CRPPA: variants seen among roughly 807,000 people sequenced by gnomAD.
CRPPA encodes the protein D-ribitol-5-phosphate cytidylyltransferase.
CRPPA carries 43 observed loss-of-function variants against 52.0 expected under a neutral mutation model. That is an observed-to-expected ratio of 0.83 (90% CI 0.65 to 1.07). The LOEUF is 1.07. CRPPA is among the 50% of genes least tolerant of loss of function. The probability of loss-of-function intolerance (pLI) is 0.00; values close to 1 mark genes in which losing one functional copy is unlikely to be tolerated. For synonymous variants in CRPPA, 250 were observed against 203.5 expected (o/e 1.23, Z -1.94); for missense variants, 629 against 551.7 (o/e 1.14, Z -1.40).
At chr7:16,105,519 A>G (rs1782133461) in intron 9 of CRPPA, among the ~76,000 whole-genome samples, 1 of 152,064 alleles carries the variant, frequency 6.6e-6, no homozygotes, top group African/African-American at 2.4e-5. Context: ...AGTAGTGAAA[A>G]TGTCATGACT....
chr7:16,104,395 C>A (rs921562140), intron 9 of CRPPA, among the ~76,000 whole-genome samples: 6 of 152,182 alleles, frequency 3.9e-5, no homozygotes, highest in African/African-American at 1.4e-4. Flanking sequence ...TGAAGTCATT[C>A]TCCAGGTGGA....
chr7:16,343,467 T>C (rs1785924990), intron 3 of CRPPA, among the ~76,000 whole-genome samples: 1 of 152,154 alleles, frequency 6.6e-6, no homozygotes. Flanking sequence ...CAAGTCCCAG[T>C]TCCCAGATAA....
rs139468538 is a variant in CRPPA, at chr7:16,228,061, T to A, written c.1120-11864A>T. 4.9e-3 allele frequency among the ~76,000 whole-genome samples: 739 copies of A among 152,024 alleles called. 6 individuals are homozygous for A. The highest frequency in any genetic ancestry group is 0.023 in the South Asian group (111 of 4,824). ...AAATCCGTTGGCTATAAACATGGGA[T>A]TTATGGGCATTCTATAACGTTCCAT... On this transcript the variant is annotated intron_variant, in intron 8 of 9. Coordinates refer to ENST00000407010, the MANE Select transcript of CRPPA (RefSeq NM_001101426.4).
chr7:16,277,468 CAT>C (rs1291793768), intron 6 of CRPPA: 1 of 149,450 alleles, frequency 6.7e-6, no homozygotes, highest in Non-Finnish European at 1.5e-5. Context: ...ACATATTGAA[CAT>C]AAACTTGGAT....
At chr7:16,223,473 TGAA>T (rs1177247095) in intron 8 of CRPPA, among the ~76,000 whole-genome samples, 3 of 152,160 alleles carry the variant, frequency 2.0e-5, no homozygotes, top group Non-Finnish European at 4.4e-5. Flanking sequence ...AATTCAAGCA[TGAA>T]GAAGTAGATG....
chr7:16,421,115 G>T lies in CRPPA; in HGVS notation c.208C>A (p.Pro70Thr), dbSNP rs1583596016. The change falls in exon 1 of 10, where the codon CCC becomes ACC. Residue 70 changes from proline to threonine, a missense_variant. Pro to Thr is a conservative substitution (Grantham distance 38). Coordinates refer to ENST00000407010, the MANE Select transcript of CRPPA (RefSeq NM_001101426.4). ...CTGATGAGCGGCCTCTCCAGGATGG[G>T]GCAGAATTGCTTCGGGGTGGGGACC... ...MGVPTPKQFC[P>T]ILERPLISYT... 2.3e-6 allele frequency: 3 copies of T among 1,319,054 alleles called. No individual in the cohort carries two copies. Among genetic ancestry groups the T allele is most frequent in the Non-Finnish European group, 2.9e-6 (3 of 1,027,518 alleles). 81.7% of individuals were successfully genotyped at this position (1,319,054 alleles called of 1,614,324 possible).
intron 8 of CRPPA, among the ~76,000 whole-genome samples, chr7:16,254,841 GAA>G (rs1783587182): frequency 2.0e-5 from 3 of 147,758 alleles, no homozygotes; most frequent in Non-Finnish European, 3.0e-5. Flanking sequence ...AAGAAAGAAA[GAA>G]AGAGAAAGAA....
intron 9 of CRPPA, among the ~76,000 whole-genome samples, chr7:16,120,881 G>A (rs1340928190): frequency 6.6e-6 from 1 of 152,092 alleles, no homozygotes; most frequent in Admixed American, 6.5e-5. Context: ...ATTATTTAAA[G>A]TGTATCACAG....
intron 9 of CRPPA, among the ~76,000 whole-genome samples, chr7:16,213,633 C>A (rs1487231658): frequency 6.6e-6 from 1 of 151,668 alleles, no homozygotes; most frequent in Non-Finnish European, 1.5e-5. Flanking sequence ...CCCATAATCC[C>A]AGCTACTTGA....
intron 2 of CRPPA, among the ~76,000 whole-genome samples, chr7:16,398,403 C>G (rs1012662590): frequency 2.0e-5 from 3 of 151,592 alleles, no homozygotes; most frequent in African/African-American, 7.3e-5. Context: ...GACACGTGAC[C>G]AACATAAGTG....
chr7:16,145,484 T>C (rs1782957479), intron 9 of CRPPA, among the ~76,000 whole-genome samples: 1 of 151,976 alleles, frequency 6.6e-6, no homozygotes, highest in Non-Finnish European at 1.5e-5. Context: ...CAGTAACCAA[T>C]GATAACAAAA....
chr7:16,110,739 C>A (rs1782245024), intron 9 of CRPPA, among the ~76,000 whole-genome samples: 1 of 152,014 alleles, frequency 6.6e-6, no homozygotes, highest in Non-Finnish European at 1.5e-5. Flanking sequence ...ACCTAGATAT[C>A]CACATTCAGA....
intron 1 of CRPPA, among the ~76,000 whole-genome samples, chr7:16,419,841 ATTTGAGTAATAATT>A (rs1220040113): frequency 1.3e-5 from 2 of 152,096 alleles, no homozygotes; most frequent in African/African-American, 2.4e-5. Flanking sequence ...GAAATGCTCG[ATTTGAGTAATAATT>A]TTTGAGTAAT....
chr7:16,409,304 T>C (rs995167369), intron 1 of CRPPA, among the ~76,000 whole-genome samples: 5 of 152,222 alleles, frequency 3.3e-5, no homozygotes, highest in African/African-American at 1.2e-4. Flanking sequence ...TGAAACTAAA[T>C]TGAGACTTCT....
chr7:16,375,811 T>G (rs1393126823), intron 3 of CRPPA, among the ~76,000 whole-genome samples: 1 of 152,132 alleles, frequency 6.6e-6, no homozygotes, highest in Non-Finnish European at 1.5e-5. Context: ...TCACACACAA[T>G]TTGCTGAATT....
In CRPPA at chr7:16,387,066, TATATATATATATATATATATAC is replaced by T. The variant is rs1176888172; in HGVS notation, c.535-10847_535-10826del. ...AAAGATATATATATATATATATATA[TATATATATATATATATATATAC>T]ACACATATATATATGTATATACACA... is the stretch of plus-strand genomic sequence containing the variant. On this transcript the variant is annotated intron_variant, in intron 2 of 9. Coordinates refer to ENST00000407010, the MANE Select transcript of CRPPA (RefSeq NM_001101426.4). Among the ~76,000 whole-genome samples the T allele has an allele frequency of 3.9e-4, 43 of 109,058 alleles. 1 individual carries two copies. Among genetic ancestry groups the T allele is most frequent in the African/African-American group, 1.5e-3 (37 of 24,178 alleles). 71.5% of individuals were successfully genotyped at this position (109,058 alleles called of 152,430 possible).
chr7:16,123,983 G>T (rs1370359471), intron 9 of CRPPA, among the ~76,000 whole-genome samples: 1 of 151,932 alleles, frequency 6.6e-6, no homozygotes, highest in Non-Finnish European at 1.5e-5. Context: ...TTCCTATCTT[G>T]GCTATTGTGA....
chr7:16,297,880 C>T (rs1186542387), intron 5 of CRPPA, among the ~76,000 whole-genome samples: 1 of 152,194 alleles, frequency 6.6e-6, no homozygotes, highest in African/African-American at 2.4e-5. Flanking sequence ...CCTCCATCAT[C>T]ACATGAGCCA....
chr7:16,401,678 G>T (rs1481318275), intron 2 of CRPPA, among the ~76,000 whole-genome samples: 6 of 152,096 alleles, frequency 3.9e-5, no homozygotes. Context: ...ACTTACCTTT[G>T]ATTTCTCCAC....
Sources: allele counts gnomAD v4.1 joint callset (sites outside exome capture counted in the v4.1 genomes callset), GRCh38; gene constraint gnomAD v4.1.1; transcripts MANE v1.5; gene names NCBI Gene and HGNC (gene_info 2026-07-23, HGNC 2026-07-21).